The following RAD51B variants were observed in gnomAD, a reference collection of about 807,000 sequenced individuals.
The protein encoded by RAD51B is RAD51 paralog B.
Under a neutral mutation model 42.2 loss-of-function variants are expected in RAD51B, and 38 were observed. The ratio of observed to expected loss-of-function variants is 0.90; its 90% CI spans 0.70 to 1.18. The LOEUF (loss-of-function observed/expected upper bound fraction) is 1.18, where lower values mean the gene tolerates loss of function less well. Ranked by LOEUF, RAD51B falls within the 50% of genes most tolerant of loss-of-function variation. The pLI, the probability that RAD51B is intolerant of heterozygous loss-of-function variation, is 0.00. For missense variants in RAD51B, 373 were observed against 400.7 expected, an observed-to-expected ratio of 0.93 and a Z score of 0.59; for synonymous variants, 154 against 145.2, an observed-to-expected ratio of 1.06 and a Z score of -0.43.
At chr14:68,380,709 A>G (rs1342259436) in intron 8 of RAD51B, among the ~76,000 whole-genome samples, 6 of 152,224 alleles carry the variant, frequency 3.9e-5, no homozygotes, top group Non-Finnish European at 8.8e-5. Context: ...CCTCAGTGTC[A>G]TTTCAGTGAA....
chr14:67,887,316 T>C, intron 7 of RAD51B, 112 bp downstream of exon 7: 2 of 991,904 alleles, frequency 2.0e-6, no homozygotes, highest in South Asian at 1.7e-5. Context: ...GTAAAACAGA[T>C]GACTTTTTAA....
intron 7 of RAD51B, among the ~76,000 whole-genome samples, chr14:68,111,422 C>G (rs1309438972): frequency 2.0e-5 from 3 of 152,018 alleles, no homozygotes; most frequent in Non-Finnish European, 2.9e-5. Context: ...GTTTTAAAAG[C>G]AAGCAAATTT....
At chr14:68,020,796 C>T (rs951766667) in intron 7 of RAD51B, among the ~76,000 whole-genome samples, 3 of 152,078 alleles carry the variant, frequency 2.0e-5, no homozygotes, top group Non-Finnish European at 4.4e-5. Flanking sequence ...TGATTGTTTA[C>T]AAAAAGGAGA....
chr14:67,872,964 A>G (rs1020308754), intron 5 of RAD51B, among the ~76,000 whole-genome samples: 1 of 152,300 alleles, frequency 6.6e-6, no homozygotes, highest in East Asian at 1.9e-4. Context: ...ACTTAAATGT[A>G]AGACCTAAAA....
At chr14:68,067,006 A>G (rs2076661200) in intron 7 of RAD51B, among the ~76,000 whole-genome samples, 1 of 152,194 alleles carries the variant, frequency 6.6e-6, no homozygotes, top group Non-Finnish European at 1.5e-5. Context: ...CTGTTGCACA[A>G]CGTTGATTTA....
intron 8 of RAD51B, among the ~76,000 whole-genome samples, chr14:68,297,862 G>A (rs1448776354): frequency 1.3e-5 from 2 of 152,188 alleles, no homozygotes; most frequent in Non-Finnish European, 2.9e-5. Context: ...AGAAGTCAGA[G>A]CCCCTCCCGT....
intron 7 of RAD51B, among the ~76,000 whole-genome samples, chr14:68,071,263 A>G (rs528718879): frequency 2.0e-4 from 30 of 152,102 alleles, no homozygotes; most frequent in African/African-American, 7.2e-4. Context: ...TTATTTCTGT[A>G]TCTTGCCTAA....
chr14:68,252,484 C>T (rs1345303720), intron 7 of RAD51B, among the ~76,000 whole-genome samples: 1 of 152,216 alleles, frequency 6.6e-6, no homozygotes, highest in Non-Finnish European at 1.5e-5. Flanking sequence ...ACCCTTCCGT[C>T]CATCACTCAT....
chr14:68,389,087 C>T (rs2083675781), intron 8 of RAD51B, among the ~76,000 whole-genome samples: 1 of 152,122 alleles, frequency 6.6e-6, no homozygotes, highest in Non-Finnish European at 1.5e-5. Flanking sequence ...GAGGAAGCCT[C>T]TGGATTCAGT....
intron 7 of RAD51B, among the ~76,000 whole-genome samples, chr14:68,207,519 G>A (rs1170301419): frequency 6.6e-6 from 1 of 152,134 alleles, no homozygotes; most frequent in Non-Finnish European, 1.5e-5. Flanking sequence ...TACATCTAGA[G>A]TTTGCCAAAT....
chr14:68,047,812 A>G (rs78685585), intron 7 of RAD51B, among the ~76,000 whole-genome samples: 5,400 of 152,332 alleles, frequency 0.035, 252 homozygotes, highest in African/African-American at 0.1. Context: ...TGCAGACAGC[A>G]GAAAAGAAAG....
intron 10 of RAD51B, chr14:68,541,627 C>T: frequency 1.0e-6 from 1 of 985,420 alleles, no homozygotes; most frequent in Non-Finnish European, 1.2e-6. Context: ...CAACTAACTG[C>T]TTGTAGCAAA....
intron 4 of RAD51B, among the ~76,000 whole-genome samples, chr14:67,842,799 T>C (rs1472082448): frequency 1.3e-5 from 2 of 152,212 alleles, no homozygotes; most frequent in East Asian, 1.9e-4. Context: ...TGATGTTGGC[T>C]GTGGGTTTGT....
chr14:67,943,583 C>T (rs545865164), intron 7 of RAD51B, among the ~76,000 whole-genome samples: 12 of 152,104 alleles, frequency 7.9e-5, no homozygotes, highest in South Asian at 4.1e-4. Flanking sequence ...TTATTTTTAA[C>T]GGTTGGCTCT....
rs1412260508 is a variant in RAD51B, at chr14:68,611,451, T to G, written c.*204T>G. 8.6e-6 allele frequency: 5 copies of G among 578,566 alleles called. No homozygotes were observed. The East Asian group carries it at 8.7e-5, about 10-fold the overall frequency. The allele number at this position is 578,566 out of a possible 1,614,324, so 35.8% of individuals were successfully genotyped here. A position where few individuals can be genotyped will look rare whatever the true frequency, so the allele number is the denominator to read the frequency against. ...TACAACCCTTGATCCCCACGTGAGA[T>G]CTCATTTCCTCCAGCTGGGTCTTCT... On this transcript the variant is annotated 3_prime_UTR_variant, in exon 11 of 11. Coordinates refer to the RAD51B transcript ENST00000487861.
At chr14:68,468,358 A>G in intron 10 of RAD51B, 108 bp downstream of exon 10, 1 of 1,186,862 alleles carries the variant, frequency 8.4e-7, no homozygotes. Flanking sequence ...AGACAGAATC[A>G]AAAACCAAGA....
chr14:68,023,315 C>T (rs2075899264), intron 7 of RAD51B, among the ~76,000 whole-genome samples: 1 of 152,114 alleles, frequency 6.6e-6, no homozygotes, highest in Admixed American at 6.5e-5. Context: ...TCCACAATCT[C>T]ATGAACATCT....
At chr14:68,418,319 T>A (rs1008615929) in intron 9 of RAD51B, among the ~76,000 whole-genome samples, 1 of 152,196 alleles carries the variant, frequency 6.6e-6, no homozygotes, top group Non-Finnish European at 1.5e-5. Flanking sequence ...CTTCTCTCTT[T>A]GAGGCGCATG....
intron 5 of RAD51B, among the ~76,000 whole-genome samples, chr14:67,875,888 TTTGCTTG>T (rs2042710116): frequency 6.6e-6 from 1 of 152,166 alleles, no homozygotes; most frequent in Non-Finnish European, 1.5e-5. Context: ...TATTGACATA[TTTGCTTG>T]TTGGTATAAA....
Sources: gnomAD v4.1 joint callset for allele counts (sites outside exome capture counted in the v4.1 genomes callset) on GRCh38, gnomAD v4.1.1 for gene constraint, MANE v1.5 for transcripts, NCBI Gene and HGNC (gene_info 2026-07-23, HGNC 2026-07-21) for gene names.